The following CSMD1 variants were observed in gnomAD, a reference collection of about 807,000 sequenced individuals.
CSMD1 encodes the protein CUB and Sushi multiple domains 1.
Under a neutral mutation model 417.5 loss-of-function variants are expected in CSMD1, and 213 were observed. That is an observed-to-expected ratio of 0.51 (90% CI 0.46 to 0.57). CSMD1 has a LOEUF of 0.57. Among genes scored for constraint, CSMD1 ranks in the 20% least tolerant of loss-of-function variants. CSMD1 has a pLI of 0.00. For synonymous variants in CSMD1, 2,862 were observed against 1,736.8 expected (o/e 1.65, Z -16.11); for missense variants, 6,923 against 4,529.7 (o/e 1.53, Z -15.17).
At chr8:4,236,691 G>C (rs369818063) in intron 3 of CSMD1, among the ~76,000 whole-genome samples, 3 of 152,090 alleles carry the variant, frequency 2.0e-5, no homozygotes, top group Non-Finnish European at 4.4e-5. Flanking sequence ...TCAAGCTTTG[G>C]TCCCTTCATC....
chr8:3,733,835 G>C (rs193159796), intron 6 of CSMD1, among the ~76,000 whole-genome samples: 136 of 152,206 alleles, frequency 8.9e-4, no homozygotes, highest in African/African-American at 3.1e-3. Context: ...ATTAGTTATT[G>C]TTTATCTCAT....
At chr8:3,042,956 AG>A (rs1205578859) in intron 50 of CSMD1, among the ~76,000 whole-genome samples, 2 of 151,852 alleles carry the variant, frequency 1.3e-5, no homozygotes, top group Non-Finnish European at 2.9e-5. Context: ...ATATACATAT[AG>A]TGATATATAC....
chr8:4,847,872 TATG>T (rs1801237782), intron 1 of CSMD1, among the ~76,000 whole-genome samples: 1 of 151,924 alleles, frequency 6.6e-6, no homozygotes, highest in South Asian at 2.1e-4. Context: ...TTCCCAGATA[TATG>T]CAACCATCAC....
At chr8:3,301,345 G>A (rs968182260) in intron 25 of CSMD1, among the ~76,000 whole-genome samples, 1 of 152,056 alleles carries the variant, frequency 6.6e-6, no homozygotes, top group Non-Finnish European at 1.5e-5. Flanking sequence ...GCTTCAGATG[G>A]GGTCTAAATG....
At chr8:3,126,241 G>A (rs1304590477) in intron 41 of CSMD1, among the ~76,000 whole-genome samples, 2 of 152,166 alleles carry the variant, frequency 1.3e-5, no homozygotes. Context: ...AAATGAATCA[G>A]TGTTGGCATA....
At chr8:4,714,329 T>C (rs1467221896) in intron 1 of CSMD1, among the ~76,000 whole-genome samples, 1 of 152,066 alleles carries the variant, frequency 6.6e-6, no homozygotes, top group African/African-American at 2.4e-5. Flanking sequence ...TTTCTCACAC[T>C]TGCAAAGTTT....
intron 1 of CSMD1, among the ~76,000 whole-genome samples, chr8:4,683,840 C>A (rs1411465345): frequency 1.3e-5 from 2 of 152,156 alleles, no homozygotes; most frequent in Admixed American, 1.3e-4. Context: ...ACAATTACTC[C>A]TTGGAATATG....
chr8:4,391,034 G>C (rs1281066016), intron 3 of CSMD1, among the ~76,000 whole-genome samples: 1 of 152,130 alleles, frequency 6.6e-6, no homozygotes, highest in Non-Finnish European at 1.5e-5. Context: ...AGAATCATCT[G>C]GGATCCTGTT....
chr8:4,671,668 G>A (rs1805338017), intron 1 of CSMD1, among the ~76,000 whole-genome samples: 1 of 152,136 alleles, frequency 6.6e-6, no homozygotes. Context: ...CTGTTTTCAT[G>A]ATTCAGTTTA....
intron 3 of CSMD1, among the ~76,000 whole-genome samples, chr8:4,095,464 T>A (rs1800958457): frequency 6.6e-6 from 1 of 152,204 alleles, no homozygotes; most frequent in African/African-American, 2.4e-5. Context: ...GAGCATTTTG[T>A]ATTTTTGTGT....
Position 3,138,955 on chromosome 8 carries a change from G to C in CSMD1, c.6241+3510C>G, listed in dbSNP as rs143106216. Among the ~76,000 whole-genome samples, 149 of 152,308 alleles carry C rather than the reference G, an allele frequency of 9.8e-4. 1 individual carries two copies. Among genetic ancestry groups the C allele is most frequent in the African/African-American group, 3.4e-3 (143 of 41,574 alleles). ...AGAGTAAATCTGGAAAGACATTTAGGAGTTTGGCCATTTTCTAGGAGAAAG... is the reference window on the plus strand; with the variant it reads ...AGAGTAAATCTGGAAAGACATTTAGCAGTTTGGCCATTTTCTAGGAGAAAG... On this transcript the variant is annotated intron_variant, in intron 41 of 69. Transcript: ENST00000635120.
chr8:3,062,965 A>G (rs887698575), intron 49 of CSMD1, among the ~76,000 whole-genome samples: 6 of 152,210 alleles, frequency 3.9e-5, no homozygotes, highest in Middle Eastern at 3.2e-3. Flanking sequence ...CAATAAAAAG[A>G]AAATTCCTAG....
At chr8:3,128,767 T>G (rs1359472303) in intron 41 of CSMD1, 1 of 418,450 alleles carries the variant, frequency 2.4e-6, no homozygotes, top group South Asian at 1.8e-5. Flanking sequence ...AGGAAATTAA[T>G]GGCGTACAAT....
intron 3 of CSMD1, among the ~76,000 whole-genome samples, chr8:4,372,623 G>C (rs7009422): frequency 0.27 from 35,840 of 133,964 alleles, 4,558 homozygotes; most frequent in African/African-American, 0.34. Flanking sequence ...CAGAAAGTAA[G>C]GAAGTGTTAA....
At chr8:4,707,159 A>G (rs1030604114) in intron 1 of CSMD1, among the ~76,000 whole-genome samples, 1 of 152,184 alleles carries the variant, frequency 6.6e-6, no homozygotes, top group Non-Finnish European at 1.5e-5. Context: ...AAAATAATAA[A>G]ATAATAACTT....
At chr8:4,808,162 G>C (rs1461421196) in intron 1 of CSMD1, among the ~76,000 whole-genome samples, 4 of 152,190 alleles carry the variant, frequency 2.6e-5, no homozygotes, top group Non-Finnish European at 2.9e-5. Flanking sequence ...CGGCGGTGTG[G>C]AGTCACAGAG....
At chr8:4,358,787 G>A (rs1017098210) in intron 3 of CSMD1, among the ~76,000 whole-genome samples, 2 of 152,092 alleles carry the variant, frequency 1.3e-5, no homozygotes, top group African/African-American at 4.8e-5. Flanking sequence ...AGCTTTGTCA[G>A]CCAAGGCAAG....
At chr8:3,247,253 G>T (rs1411839006) in intron 26 of CSMD1, among the ~76,000 whole-genome samples, 2 of 152,178 alleles carry the variant, frequency 1.3e-5, no homozygotes, top group Non-Finnish European at 2.9e-5. Context: ...AGCGATGTGG[G>T]TGGTAGCTGT....
At chr8:4,047,007 T>C (rs958888342) in intron 3 of CSMD1, among the ~76,000 whole-genome samples, 3 of 152,186 alleles carry the variant, frequency 2.0e-5, no homozygotes, top group African/African-American at 7.2e-5. Context: ...ATGCATGACT[T>C]AGCCCTATAG....
Sources: gnomAD v4.1 joint callset for allele counts (sites outside exome capture counted in the v4.1 genomes callset) on GRCh38, gnomAD v4.1.1 for gene constraint, MANE v1.5 for transcripts, NCBI Gene and HGNC (gene_info 2026-07-23, HGNC 2026-07-21) for gene names.